PRKAR1A: variants seen among roughly 807,000 people sequenced by gnomAD.
PRKAR1A encodes the protein cAMP-dependent protein kinase type I-alpha regulatory subunit.
PRKAR1A carries 3 observed loss-of-function variants against 52.0 expected under a neutral mutation model. The ratio of observed to expected loss-of-function variants is 0.06; its 90% CI spans 0.03 to 0.15. The LOEUF (loss-of-function observed/expected upper bound fraction) is 0.15. PRKAR1A is among the 10% of genes least tolerant of loss of function. The pLI is 1.00. For synonymous variants in PRKAR1A, 188 were observed against 168.4 expected, an observed-to-expected ratio of 1.12 and a Z score of -0.90; for missense variants, 240 against 477.4, an observed-to-expected ratio of 0.50 and a Z score of 4.63.
chr17:68,508,415 G>T (rs543708247), upstream of PRKAR1A, among the ~76,000 whole-genome samples: 8 of 152,114 alleles, frequency 5.3e-5, no homozygotes, highest in Non-Finnish European at 2.9e-5. Flanking sequence ...ATTCTCCTAC[G>T]CATATTAACA....
At chr17:68,426,254 G>GGGGGCCCCCCCCGC in the PRKAR1A span, 1 of 816,924 alleles carries the variant, frequency 1.2e-6, no homozygotes. Context: ...GGGAGCGGGG[G>GGGGGCCCCCCCCGC]CTCAAATAAA....
chr17:68,444,447 C>G, the PRKAR1A span: 1 of 1,551,064 alleles, frequency 6.4e-7, no homozygotes, highest in Non-Finnish European at 8.9e-7. Context: ...AAAGAAGCAC[C>G]AGGACATGAA....
chr17:68,455,827 C>A, the PRKAR1A span, among the ~76,000 whole-genome samples: 2 of 152,144 alleles, frequency 1.3e-5, no homozygotes, highest in Non-Finnish European at 2.9e-5. Flanking sequence ...TGTTACAAAG[C>A]AGAATTTAGA....
chr17:68,521,828 CAAAT>C lies in PRKAR1A; in HGVS notation c.178-927_178-924del, dbSNP rs761117602. Among the ~76,000 whole-genome samples, 4 of 152,120 alleles carry C rather than the reference CAAAT, an allele frequency of 2.6e-5. No individual in the cohort carries two copies. In the South Asian group the frequency reaches 6.2e-4, roughly 24 times the overall value. ...TATATATAGAAAAGAAATAACGGGT[CAAAT>C]GAATGAGAAAGTAGAAGATAACACA... is the stretch of plus-strand genomic sequence containing the variant. On this transcript the variant is annotated intron_variant, in intron 2 of 10. Transcript: ENST00000589228.
chr17:68,453,666 A>T, the PRKAR1A span, among the ~76,000 whole-genome samples: 68 of 151,978 alleles, frequency 4.5e-4, no homozygotes, highest in Non-Finnish European at 8.4e-4. Flanking sequence ...TTTAGTAGAG[A>T]CAGGGTTTCA....
chr17:68,456,464 C>G, the PRKAR1A span, among the ~76,000 whole-genome samples: 1 of 151,730 alleles, frequency 6.6e-6, no homozygotes, highest in Non-Finnish European at 1.5e-5. Flanking sequence ...AAAGATGATT[C>G]CATATGGTCC....
chr17:68,426,248 G>GGGGGGGGGGGGGGGT, the PRKAR1A span: 1 of 832,028 alleles, frequency 1.2e-6, no homozygotes, highest in Middle Eastern at 3.9e-4. Context: ...CGGGTGGGGA[G>GGGGGGGGGGGGGGGT]CGGGGGCTCA....
chr17:68,426,989 C>T, the PRKAR1A span: 14 of 674,572 alleles, frequency 2.1e-5, no homozygotes, highest in Non-Finnish European at 3.3e-5. Context: ...GAGCACTCCA[C>T]CCCCAGGTAA....
In PRKAR1A at chr17:68,532,922, T is replaced by G. The variant is rs991364732; in HGVS notation, c.*2473T>G. The G allele has an allele frequency of 5.0e-5, 53 of 1,065,866 alleles. No individual in the cohort carries two copies. Among genetic ancestry groups the G allele is most frequent in the Non-Finnish European group, 5.6e-5 (49 of 879,752 alleles). The allele number at this position is 1,065,866 out of a possible 1,614,324, so 66.0% of individuals were successfully genotyped here. A position where few individuals can be genotyped will look rare whatever the true frequency, so the allele number is the denominator to read the frequency against. Reference sequence around the variant, plus strand: ...AATGTTTATTTTCAGTGCTTTTCAGTTTGTCAAAGAGTGGATCTCAAAATC... The same window carrying G: ...AATGTTTATTTTCAGTGCTTTTCAGGTTGTCAAAGAGTGGATCTCAAAATC... On this transcript the variant is annotated 3_prime_UTR_variant, in exon 11 of 11. Coordinates refer to ENST00000589228, the MANE Select transcript of PRKAR1A (RefSeq NM_002734.5).
the PRKAR1A span, among the ~76,000 whole-genome samples, chr17:68,485,435 T>C: frequency 6.6e-6 from 1 of 152,232 alleles, no homozygotes; most frequent in Admixed American, 6.5e-5. Flanking sequence ...GTTACTTCTA[T>C]TGAGTTAAGC....
At chr17:68,494,131 G>A in the PRKAR1A span, among the ~76,000 whole-genome samples, 1 of 152,146 alleles carries the variant, frequency 6.6e-6, no homozygotes, top group African/African-American at 2.4e-5. Context: ...CTGGCTCCCT[G>A]TTCTAGTTGC....
chr17:68,515,288 A>G lies in PRKAR1A; in HGVS notation c.-6-106A>G, dbSNP rs2085394230. ...TGTTTAAAAACAAAATCTACTTAGA[A>G]AAAAATCCCTGTGAATCAGTTGTCT... On this transcript the variant is annotated intron_variant, in intron 1 of 10. Transcript: ENST00000589228. 6 of 1,333,160 alleles carry G rather than the reference A, an allele frequency of 4.5e-6. No homozygotes were observed. In the South Asian group the frequency reaches 7.6e-5, roughly 17 times the overall value. 82.6% of individuals were successfully genotyped at this position (1,333,160 alleles called of 1,614,324 possible).
chr17:68,524,177 C>A, intron 5 of PRKAR1A, 100 bp downstream of exon 5: 1 of 1,214,038 alleles, frequency 8.2e-7, no homozygotes, highest in Non-Finnish European at 1.2e-6. Flanking sequence ...CCTCTTTGAT[C>A]CTACCACTTT....
At chr17:68,516,464 T>A (rs940854769) in intron 2 of PRKAR1A, among the ~76,000 whole-genome samples, 4 of 152,058 alleles carry the variant, frequency 2.6e-5, no homozygotes, top group African/African-American at 9.7e-5. Flanking sequence ...TTAATTGAAA[T>A]GAATCATATA....
At chr17:68,473,025 T>C in the PRKAR1A span, among the ~76,000 whole-genome samples, 1 of 152,164 alleles carries the variant, frequency 6.6e-6, no homozygotes, top group African/African-American at 2.4e-5. Context: ...TTTCTGCAAA[T>C]TCATTCACTA....
At chr17:68,542,679 G>C in intron 11 of PRKAR1A, 1 of 1,590,412 alleles carries the variant, frequency 6.3e-7, no homozygotes, top group East Asian at 2.2e-5. Flanking sequence ...AATATCACTC[G>C]GGCCAGTACT....
chr17:68,443,160 G>A, the PRKAR1A span, among the ~76,000 whole-genome samples: 1 of 152,030 alleles, frequency 6.6e-6, no homozygotes, highest in East Asian at 1.9e-4. Context: ...GCCCAGGCTG[G>A]AGTGCAGTGG....
the PRKAR1A span, among the ~76,000 whole-genome samples, chr17:68,424,085 G>A: frequency 6.6e-6 from 1 of 152,094 alleles, no homozygotes; most frequent in African/African-American, 2.4e-5. Context: ...GCAGAAGAAC[G>A]CCCTTTAAGG....
the PRKAR1A span, among the ~76,000 whole-genome samples, chr17:68,486,879 T>G: frequency 1.5e-5 from 1 of 65,360 alleles, no homozygotes; most frequent in Admixed American, 1.3e-4. Flanking sequence ...GTTGTGCGGA[T>G]TTTTTTTTTT....
Sources: gnomAD v4.1 joint callset for allele counts (sites outside exome capture counted in the v4.1 genomes callset) on GRCh38, gnomAD v4.1.1 for gene constraint, MANE v1.5 for transcripts, NCBI Gene and HGNC (gene_info 2026-07-23, HGNC 2026-07-21) for gene names.